Variants in DENND6A observed in about 807,000 individuals in gnomAD.
DENND6A encodes the protein DENN domain containing 6A, also known as protein DENND6A.
DENND6A carries 43 observed loss-of-function variants against 95.5 expected under a neutral mutation model. That is an observed-to-expected ratio of 0.45 (90% confidence interval 0.35 to 0.58). The LOEUF is 0.58. Among genes scored for constraint, DENND6A ranks in the 20% least tolerant of loss-of-function variants. DENND6A has a pLI of 0.00. For missense variants in DENND6A, 574 were observed against 736.0 expected, an observed-to-expected ratio of 0.78 and a Z score of 2.55; for synonymous variants, 257 against 260.4, an observed-to-expected ratio of 0.99 and a Z score of 0.13.
At chr3:57,682,960 G>A (rs1205574138) in intron 1 of DENND6A, among the ~76,000 whole-genome samples, 1 of 152,214 alleles carries the variant, frequency 6.6e-6, no homozygotes, top group Non-Finnish European at 1.5e-5. Flanking sequence ...CTACAGGCAT[G>A]AGCCAGCACA....
intron 12 of DENND6A, among the ~76,000 whole-genome samples, chr3:57,639,595 C>G (rs1208839683): frequency 6.6e-6 from 1 of 152,184 alleles, no homozygotes; most frequent in Non-Finnish European, 1.5e-5. Context: ...CTGTTGTTCT[C>G]TGTATTATCA....
chr3:57,645,825 A>G (rs1257498727), intron 10 of DENND6A, 69 bp from the exon 11 acceptor site: 15 of 1,142,336 alleles, frequency 1.3e-5, no homozygotes, highest in East Asian at 2.4e-5. Context: ...TAACTAGAAA[A>G]CATCTATACA....
chr3:57,650,740 A>T (rs1449848160), intron 9 of DENND6A, among the ~76,000 whole-genome samples: 1 of 152,154 alleles, frequency 6.6e-6, no homozygotes, highest in African/African-American at 2.4e-5. Context: ...CCAAACCTGC[A>T]TCAAAAGGTG....
chr3:57,661,333 T>C, intron 6 of DENND6A, 113 bp downstream of exon 6: 2 of 798,798 alleles, frequency 2.5e-6, no homozygotes, highest in Non-Finnish European at 3.7e-6. Context: ...TATCATATAT[T>C]CCTTAAGTTC....
chr3:57,643,626 G>A (rs530593320), intron 11 of DENND6A, among the ~76,000 whole-genome samples: 2 of 151,598 alleles, frequency 1.3e-5, no homozygotes, highest in South Asian at 2.1e-4. Context: ...TCAGGAGTTC[G>A]AGCCAGTCTG....
chr3:57,663,132 CA>C (rs1322564339), intron 5 of DENND6A, among the ~76,000 whole-genome samples: 4 of 90,070 alleles, frequency 4.4e-5, no homozygotes, highest in East Asian at 3.2e-4. Context: ...GCCTGGGCGA[CA>C]AGAGCAAAAC....
intron 3 of DENND6A, among the ~76,000 whole-genome samples, chr3:57,666,563 C>A (rs376920404): frequency 3.3e-5 from 5 of 152,072 alleles, no homozygotes; most frequent in African/African-American, 1.2e-4. Context: ...GCAAAAGATG[C>A]CAAACACAAA....
Position 57,628,854 on chromosome 3 carries a change from T to C in DENND6A, c.1652A>G (p.Glu551Gly), listed in dbSNP as rs1277245154. 1 of 1,613,136 alleles carries C rather than the reference T, an allele frequency of 6.2e-7. No homozygotes were observed. Among genetic ancestry groups the C allele is most frequent in the Non-Finnish European group, 8.5e-7 (1 of 1,179,802 alleles). Residue 551 changes from glutamate to glycine, a missense_variant, in exon 19 of 20, where the codon GAA becomes GGA. This residue lies in a region of DENND6A where 452 missense variants were observed against 630.9 expected (regional missense o/e 0.72). Transcript: ENST00000311128. ...DLLLWIQKHTEVETVDLVLKL... is the reference protein window; with the variant it reads ...DLLLWIQKHTGVETVDLVLKL... ...CAAGACAAGGTCTACTGTTTCTACT[T>C]CTGTGTGTTTCTGGATCCAGAGAAG... is the stretch of plus-strand genomic sequence containing the variant.
chr3:57,668,912 G>C (rs370101349), intron 3 of DENND6A, among the ~76,000 whole-genome samples: 251 of 152,074 alleles, frequency 1.7e-3, no homozygotes, highest in African/African-American at 5.6e-3. Flanking sequence ...TCACTCCGTC[G>C]CCCAGCCTGG....
intron 12 of DENND6A, among the ~76,000 whole-genome samples, chr3:57,636,406 T>C (rs1289123530): frequency 1.3e-5 from 2 of 152,268 alleles, no homozygotes; most frequent in Middle Eastern, 3.4e-3. Flanking sequence ...TCAGTAAATA[T>C]TAAGTAAATG....
intron 12 of DENND6A, among the ~76,000 whole-genome samples, chr3:57,635,753 T>C (rs1245490930): frequency 6.6e-6 from 1 of 152,180 alleles, no homozygotes; most frequent in Non-Finnish European, 1.5e-5. Context: ...AAAACAGCTA[T>C]TTCTATAAAC....
At chr3:57,640,075 A>C (rs1362103035) in intron 12 of DENND6A, among the ~76,000 whole-genome samples, 1 of 150,766 alleles carries the variant, frequency 6.6e-6, no homozygotes, top group Non-Finnish European at 1.5e-5. Flanking sequence ...TTGAGACCAA[A>C]CTGGCCAACA....
intron 10 of DENND6A, 136 bp downstream of exon 10, chr3:57,646,180 A>G: frequency 1.6e-6 from 2 of 1,242,046 alleles, no homozygotes; most frequent in Non-Finnish European, 2.2e-6. Context: ...ACCTTCTGAT[A>G]GGGTTTTTGC....
At chr3:57,629,058 G>A (rs1333301178) in intron 18 of DENND6A, among the ~76,000 whole-genome samples, 173 bp from the exon 19 acceptor site, 1 of 152,162 alleles carries the variant, frequency 6.6e-6, no homozygotes, top group Non-Finnish European at 1.5e-5. Context: ...TCTAATAACT[G>A]TTAGATAATT....
intron 11 of DENND6A, 85 bp from the exon 12 acceptor site, chr3:57,641,832 C>A: frequency 9.3e-7 from 1 of 1,077,906 alleles, no homozygotes. Flanking sequence ...CTTTTTTTTT[C>A]AATGAACAAT....
intron 1 of DENND6A, among the ~76,000 whole-genome samples, chr3:57,681,077 A>C (rs2077159555): frequency 6.6e-6 from 1 of 152,126 alleles, no homozygotes; most frequent in Admixed American, 6.6e-5. Context: ...TCACACAAAA[A>C]CTCGTACACA....
chr3:57,654,409 A>G (rs1028309781), intron 9 of DENND6A, among the ~76,000 whole-genome samples: 4 of 152,226 alleles, frequency 2.6e-5, no homozygotes, highest in Non-Finnish European at 4.4e-5. Context: ...CAATCTCTGA[A>G]ACATAGAAAC....
rs1358583506 is a variant in DENND6A, at chr3:57,645,410, G to A, written c.1037+251C>T. Among the ~76,000 whole-genome samples, 5 of 152,210 alleles carry A rather than the reference G, an allele frequency of 3.3e-5. No individual in the cohort carries two copies. The East Asian group carries it at 5.8e-4, about 18-fold the overall frequency. On this transcript the variant is annotated intron_variant, in intron 11 of 19. Transcript: ENST00000311128. ...CAGGAGGCAGAGGTTGCAGTGAGCC[G>A]AGATCATGCCACTGCACTCCAGCCT...
chr3:57,663,151 C>CAAAAAAAAAAAAAAAAAAAA (rs754194795), intron 5 of DENND6A, among the ~76,000 whole-genome samples: 1 of 40,122 alleles, frequency 2.5e-5, no homozygotes, highest in African/African-American at 8.8e-5. Context: ...AACTCCATAT[C>CAAAAAAAAAAAAAAAAAAAA]AAAAAAAAAA....
Sources: gnomAD v4.1 joint callset for allele counts (sites outside exome capture counted in the v4.1 genomes callset) on GRCh38, gnomAD v4.1.1 for gene constraint, gnomAD v4.1.1 regional missense constraint, MANE v1.5 for transcripts, NCBI Gene and HGNC (gene_info 2026-07-23, HGNC 2026-07-21) for gene names.